The following ZFPM2 variants were observed in gnomAD, a reference collection of about 807,000 sequenced individuals.
ZFPM2 encodes the protein zinc finger protein ZFPM2.
Under a neutral mutation model 98.6 loss-of-function variants are expected in ZFPM2, and 20 were observed. The observed-to-expected ratio is 0.20, with a 90% CI of 0.14 to 0.29. The LOEUF is 0.29. Ranked by LOEUF, ZFPM2 falls within the 10% of genes least tolerant of loss-of-function variation. The pLI is 1.00. For synonymous variants in ZFPM2, 518 were observed against 502.7 expected, an observed-to-expected ratio of 1.03 and a Z score of -0.41; for missense variants, 1,310 against 1,388.6, an observed-to-expected ratio of 0.94 and a Z score of 0.90.
intron 3 of ZFPM2, among the ~76,000 whole-genome samples, chr8:105,556,392 A>C (rs1814991569): frequency 6.6e-6 from 1 of 152,148 alleles, no homozygotes; most frequent in South Asian, 2.1e-4. Flanking sequence ...CTTTTTGGTG[A>C]AGTAGCAAAT....
intron 5 of ZFPM2, among the ~76,000 whole-genome samples, chr8:105,777,707 C>G (rs531962115): frequency 4.6e-5 from 7 of 152,092 alleles, no homozygotes; most frequent in Non-Finnish European, 7.4e-5. Context: ...TTATTTTACT[C>G]TATTTTATTC....
At chr8:105,763,610 T>C (rs1343722930) in intron 5 of ZFPM2, among the ~76,000 whole-genome samples, 1 of 151,882 alleles carries the variant, frequency 6.6e-6, no homozygotes, top group Admixed American at 6.6e-5. Context: ...ACAACAATCA[T>C]CTTCCAATAC....
intron 3 of ZFPM2, among the ~76,000 whole-genome samples, chr8:105,481,969 A>G (rs898899335): frequency 2.0e-5 from 3 of 152,230 alleles, no homozygotes; most frequent in African/African-American, 7.2e-5. Flanking sequence ...GCCTGAGTGA[A>G]TGGGCAGTTA....
intron 4 of ZFPM2, among the ~76,000 whole-genome samples, chr8:105,565,847 C>G (rs1311216683): frequency 1.3e-5 from 2 of 152,144 alleles, no homozygotes; most frequent in African/African-American, 2.4e-5. Flanking sequence ...GCCAAGGGCT[C>G]TGTCTTAGGA....
intron 3 of ZFPM2, among the ~76,000 whole-genome samples, chr8:105,551,505 T>C (rs1814852752): frequency 6.6e-6 from 1 of 152,218 alleles, no homozygotes; most frequent in African/African-American, 2.4e-5. Context: ...TGTAATGGAA[T>C]TCTACTTCAG....
chr8:105,324,665 T>C (rs1341014771), intron 1 of ZFPM2, among the ~76,000 whole-genome samples: 3 of 151,866 alleles, frequency 2.0e-5, no homozygotes, highest in African/African-American at 7.2e-5. Context: ...GACTTCTCAG[T>C]TGCATTTTAA....
intron 3 of ZFPM2, among the ~76,000 whole-genome samples, chr8:105,495,636 C>T (rs79879290): frequency 0.045 from 6,839 of 152,122 alleles, 531 homozygotes; most frequent in African/African-American, 0.15. Context: ...TCTCTACTTC[C>T]TCTCAGTCTT....
At chr8:105,577,028 C>T (rs1476323823) in intron 4 of ZFPM2, among the ~76,000 whole-genome samples, 2 of 152,012 alleles carry the variant, frequency 1.3e-5, no homozygotes, top group African/African-American at 4.8e-5. Context: ...ACTATTCTAA[C>T]AGTTTTCCTC....
chr8:105,751,949 G>T (rs966084114), intron 5 of ZFPM2, among the ~76,000 whole-genome samples: 4 of 152,008 alleles, frequency 2.6e-5, no homozygotes, highest in Non-Finnish European at 5.9e-5. Context: ...AGCATTAGTC[G>T]AATCCATATT....
intron 4 of ZFPM2, among the ~76,000 whole-genome samples, chr8:105,593,371 A>T (rs1815891791): frequency 6.6e-6 from 1 of 152,132 alleles, no homozygotes; most frequent in Non-Finnish European, 1.5e-5. Context: ...TATAGAACAT[A>T]TAATGAAACA....
intron 3 of ZFPM2, among the ~76,000 whole-genome samples, chr8:105,529,935 T>G (rs1216851137): frequency 2.6e-5 from 4 of 152,092 alleles, no homozygotes; most frequent in Non-Finnish European, 5.9e-5. Context: ...TTCACCATGT[T>G]GGTCAGGCTG....
At chr8:105,694,112 G>A (rs1375498734) in intron 5 of ZFPM2, among the ~76,000 whole-genome samples, 5 of 149,140 alleles carry the variant, frequency 3.4e-5, no homozygotes, top group South Asian at 2.1e-4. Context: ...TCTGCTTCCC[G>A]AATAGGTAGG....
At position 105,391,534 on chromosome 8, in the gene ZFPM2, T is replaced by C. The variant is rs142634055; in HGVS notation, c.41-27610T>C. Among the ~76,000 whole-genome samples, 368 of 152,352 alleles carry C rather than the reference T, an allele frequency of 2.4e-3. 3 individuals are homozygous for C. Among genetic ancestry groups the C allele is most frequent in the East Asian group, 1.3e-3 (7 of 5,186 alleles). On this transcript the variant is annotated intron_variant, in intron 1 of 7. Coordinates refer to ENST00000407775, the MANE Select transcript of ZFPM2 (RefSeq NM_012082.4). ...TAGTATTTTATCTACTGTAGAACTT[T>C]CAGAATTAGAGTCAATCCTCACACA...
intron 5 of ZFPM2, among the ~76,000 whole-genome samples, chr8:105,748,518 T>C (rs1226055259): frequency 1.3e-5 from 2 of 152,076 alleles, no homozygotes; most frequent in Admixed American, 1.3e-4. Flanking sequence ...AATAGGATGC[T>C]GAGTTTGTTT....
chr8:105,321,259 G>A (rs1812019271), intron 1 of ZFPM2, among the ~76,000 whole-genome samples: 1 of 152,128 alleles, frequency 6.6e-6, no homozygotes, highest in Non-Finnish European at 1.5e-5. Context: ...AGTTTGTGTT[G>A]ATATCCAAAG....
chr8:105,774,407 T>TTATTTTATTTATCTTTTTTCTCTAAATA (rs1813051551), intron 5 of ZFPM2, among the ~76,000 whole-genome samples: 1 of 152,202 alleles, frequency 6.6e-6, no homozygotes, highest in African/African-American at 2.4e-5. Flanking sequence ...TAACAGGTCT[T>TTATTTTATTTATCTTTTTTCTCTAAATA]GGTCATTGTT....
Position 105,551,679 on chromosome 8 carries a change from A to T in ZFPM2, c.302-9684A>T, listed in dbSNP as rs1448050596. ...CATCCTTTGGTTTTATAATTTTGTG[A>T]CCTAAAAATCACCTCTCCACTCCCA... On this transcript the variant is annotated intron_variant, in intron 3 of 7. Transcript: ENST00000407775. Among the ~76,000 whole-genome samples, 11 of 77,858 alleles carry T rather than the reference A, an allele frequency of 1.4e-4. No homozygotes were observed. The East Asian group carries it at 3.4e-3, about 24-fold the overall frequency. The allele number at this position is 77,858 out of a possible 152,430, so 51.1% of individuals were successfully genotyped here.
chr8:105,700,500 C>T (rs1344533733), intron 5 of ZFPM2, among the ~76,000 whole-genome samples: 1 of 152,058 alleles, frequency 6.6e-6, no homozygotes, highest in Non-Finnish European at 1.5e-5. Context: ...TGGTTATTGT[C>T]CAGAATTTTA....
intron 2 of ZFPM2, among the ~76,000 whole-genome samples, chr8:105,434,713 G>A (rs1250478424): frequency 6.6e-6 from 1 of 152,166 alleles, no homozygotes; most frequent in Non-Finnish European, 1.5e-5. Flanking sequence ...ATGCATTATA[G>A]GGATGACTAA....
Sources: allele counts gnomAD v4.1 joint callset (sites outside exome capture counted in the v4.1 genomes callset), GRCh38; gene constraint gnomAD v4.1.1; transcripts MANE v1.5; gene names NCBI Gene and HGNC (gene_info 2026-07-23, HGNC 2026-07-21).